Variants in BTBD7 observed in about 807,000 individuals in gnomAD.
BTBD7 encodes BTB/POZ domain-containing protein 7.
BTBD7 carries 38 observed loss-of-function variants against 99.9 expected under a neutral mutation model. The observed-to-expected ratio is 0.38, with a 90% confidence interval of 0.29 to 0.50. The LOEUF (loss-of-function observed/expected upper bound fraction) is 0.50. BTBD7 is among the 20% of genes least tolerant of loss of function. The pLI is 0.93. For missense variants in BTBD7, 1,170 were observed against 1,394.6 expected (o/e 0.84, Z 2.57); for synonymous variants, 520 against 511.4 (o/e 1.02, Z -0.23).
chr14:93,329,734 TTACAG>T (rs1451625589), intron 1 of BTBD7, among the ~76,000 whole-genome samples: 1 of 152,178 alleles, frequency 6.6e-6, no homozygotes, highest in East Asian at 1.9e-4. Context: ...TACGTGGTAC[TTACAG>T]TAGTCAAAAT....
At chr14:93,321,224 T>C (rs749114181) in intron 1 of BTBD7, among the ~76,000 whole-genome samples, 34 of 152,356 alleles carry the variant, frequency 2.2e-4, no homozygotes, top group Non-Finnish European at 4.0e-4. Flanking sequence ...CATTTAAATA[T>C]TTTCTGAGCA....
chr14:93,272,969 T>C (rs1045813432), intron 3 of BTBD7, among the ~76,000 whole-genome samples: 1 of 152,218 alleles, frequency 6.6e-6, no homozygotes, highest in Admixed American at 6.5e-5. Flanking sequence ...ATGACCTGCA[T>C]GTCAGCCTTT....
intron 1 of BTBD7, among the ~76,000 whole-genome samples, chr14:93,315,316 C>T (rs1268509163): frequency 1.3e-5 from 2 of 152,090 alleles, no homozygotes; most frequent in African/African-American, 2.4e-5. Context: ...TTTATTAAGT[C>T]CTAAGTATTA....
intron 3 of BTBD7, 115 bp downstream of exon 3, chr14:93,293,743 A>C: frequency 5.2e-6 from 7 of 1,357,860 alleles, no homozygotes; most frequent in Non-Finnish European, 5.9e-6. Flanking sequence ...GGTTCAAAAA[A>C]ACTGACCCTG....
chr14:93,283,432 A>G (rs2052743216), intron 3 of BTBD7, among the ~76,000 whole-genome samples: 1 of 152,228 alleles, frequency 6.6e-6, no homozygotes, highest in East Asian at 1.9e-4. Flanking sequence ...GGATTCTACT[A>G]CAAATTAACA....
chr14:93,269,118 A>T (rs2052574240), intron 3 of BTBD7, among the ~76,000 whole-genome samples: 1 of 152,190 alleles, frequency 6.6e-6, no homozygotes, highest in Non-Finnish European at 1.5e-5. Flanking sequence ...TACTTCTCTC[A>T]CGAGCAGAAA....
chr14:93,271,499 A>G (rs547278014), intron 3 of BTBD7, among the ~76,000 whole-genome samples: 1 of 152,348 alleles, frequency 6.6e-6, no homozygotes, highest in East Asian at 1.9e-4. Context: ...CAGAGGCACC[A>G]GAGTTAGAAA....
At chr14:93,309,477 GT>G (rs1210423934) in intron 1 of BTBD7, among the ~76,000 whole-genome samples, 22 of 149,922 alleles carry the variant, frequency 1.5e-4, no homozygotes, top group Non-Finnish European at 3.1e-4. Context: ...CCCTCATCTA[GT>G]GTGTGTCTTA....
intron 3 of BTBD7, among the ~76,000 whole-genome samples, chr14:93,266,651 T>C (rs2052546598): frequency 1.3e-5 from 2 of 152,164 alleles, no homozygotes; most frequent in South Asian, 4.1e-4. Context: ...GAACAGAGGC[T>C]GGCTCGTCAC....
Position 93,309,528 on chromosome 14 carries a change from C to T in BTBD7, c.-106-13371G>A, listed in dbSNP as rs529808230. On this transcript the variant is annotated intron_variant, in intron 1 of 10. Transcript: ENST00000334746. ...ACACCCCTGCTAAACAAGAAAGCGT[C>T]TCAAAAGTCTTCAGTGCTATACCAA... is the stretch of plus-strand genomic sequence containing the variant. 2.1e-3 allele frequency among the ~76,000 whole-genome samples: 324 copies of T among 151,658 alleles called. 1 individual carries two copies. The highest frequency in any genetic ancestry group is 7.5e-3 in the African/African-American group (310 of 41,316).
intron 3 of BTBD7, among the ~76,000 whole-genome samples, chr14:93,264,284 T>C (rs934647232): frequency 2.0e-5 from 3 of 152,112 alleles, no homozygotes; most frequent in Non-Finnish European, 4.4e-5. Context: ...TAAGTCAGTA[T>C]AGAGGAAGAC....
chr14:93,242,056 G>A lies in BTBD7; in HGVS notation c.*217C>T, dbSNP rs995952080. On this transcript the variant is annotated 3_prime_UTR_variant, in exon 11 of 11. Transcript: ENST00000334746. Reference sequence around the variant, plus strand: ...CTTAAAAATGCCTCCCGACATAATTGTTCAAAGACAAATTAGACAGATGCA... The same window carrying A: ...CTTAAAAATGCCTCCCGACATAATTATTCAAAGACAAATTAGACAGATGCA... 1 of 525,044 alleles carries A rather than the reference G, an allele frequency of 1.9e-6. No individual in the cohort carries two copies. Among genetic ancestry groups the A allele is most frequent in the Admixed American group, 3.5e-5 (1 of 28,936 alleles). 32.5% of individuals were successfully genotyped at this position (525,044 alleles called of 1,614,324 possible). A position where few individuals can be genotyped will look rare whatever the true frequency, so the allele number is the denominator to read the frequency against.
rs1157659324 is a variant in BTBD7 at position 93,294,943 on chromosome 14, A to G, written c.83-6T>C. 1 of 1,531,522 alleles carries G rather than the reference A, an allele frequency of 6.5e-7. No individual in the cohort carries two copies. The highest frequency in any genetic ancestry group is 8.7e-7 in the Non-Finnish European group (1 of 1,145,826). 94.9% of individuals were successfully genotyped at this position (1,531,522 alleles called of 1,614,324 possible). On this transcript the variant is annotated splice_polypyrimidine_tract_variant and splice_region_variant and intron_variant, in intron 2 of 10. Coordinates refer to ENST00000334746, the MANE Select transcript of BTBD7 (RefSeq NM_001002860.4). Reference sequence around the variant, plus strand: ...CTGAGAATAGGATGAGGTCCCTAAGAAAAAAATTAAACAAATGAAAATTTA... The same window carrying G: ...CTGAGAATAGGATGAGGTCCCTAAGGAAAAAATTAAACAAATGAAAATTTA...
chr14:93,257,052 T>C (rs2052438110), intron 6 of BTBD7, 143 bp downstream of exon 6: 4 of 798,352 alleles, frequency 5.0e-6, no homozygotes, highest in Non-Finnish European at 7.8e-6. Flanking sequence ...TACAACATCG[T>C]ACACAATAGA....
At chr14:93,328,610 T>TA (rs1360529345) in intron 1 of BTBD7, among the ~76,000 whole-genome samples, 57 of 109,362 alleles carry the variant, frequency 5.2e-4, no homozygotes, top group African/African-American at 1.8e-3. Context: ...ATAAAATTCT[T>TA]TAAAAAAAAA....
At chr14:93,310,876 AAC>A (rs1646927753) in intron 1 of BTBD7, among the ~76,000 whole-genome samples, 1 of 141,440 alleles carries the variant, frequency 7.1e-6, no homozygotes, top group African/African-American at 2.7e-5. Flanking sequence ...TTTTGATATT[AAC>A]AGTTATCAAT....
rs756579475 is a variant in BTBD7, at chr14:93,253,753, A to G, written c.1646T>C (p.Met549Thr). Residue 549 changes from methionine (M) to threonine (T), a missense_variant, in exon 7 of 11, where the codon ATG becomes ACG. Met to Thr is a moderately conservative substitution (Grantham distance 81). This residue lies in a region of BTBD7 where 309 missense variants were observed against 342.0 expected (regional missense o/e 0.90). Coordinates refer to ENST00000334746, the MANE Select transcript of BTBD7 (RefSeq NM_001002860.4). Reference protein sequence around the residue: ...RGLISTPPSDMLPTTEGGKSN... With the variant: ...RGLISTPPSDTLPTTEGGKSN... ...CTTCCCACCTTCTGTTGTAGGAAGC[A>G]TATCTGATGGAGGAGTACTAATCAA... 5.6e-6 allele frequency: 9 copies of G among 1,611,966 alleles called. No homozygotes were observed. The highest frequency in any genetic ancestry group is 4.5e-5 in the East Asian group (2 of 44,858).
chr14:93,301,330 T>A (rs572820014), intron 1 of BTBD7, among the ~76,000 whole-genome samples: 1 of 152,156 alleles, frequency 6.6e-6, no homozygotes, highest in South Asian at 2.1e-4. Context: ...TAGCTGGGAT[T>A]ACAGGCATGC....
intron 3 of BTBD7, among the ~76,000 whole-genome samples, chr14:93,288,905 T>C (rs942273036): frequency 2.0e-5 from 3 of 152,260 alleles, no homozygotes; most frequent in South Asian, 2.1e-4. Flanking sequence ...GATTTCACCA[T>C]AGGGTTTCAC....
Sources: allele counts gnomAD v4.1 joint callset (sites outside exome capture counted in the v4.1 genomes callset), GRCh38; gene constraint gnomAD v4.1.1; regional missense constraint gnomAD v4.1.1; transcripts MANE v1.5; gene names NCBI Gene and HGNC (gene_info 2026-07-23, HGNC 2026-07-21).